DDX60L: variants seen among roughly 807,000 people sequenced by gnomAD.
DDX60L encodes probable ATP-dependent RNA helicase DDX60-like.
A neutral mutation model predicts 211.6 loss-of-function variants in DDX60L; 191 were observed. The ratio of observed to expected loss-of-function variants is 0.90; its 90% CI spans 0.80 to 1.02. The LOEUF is 1.02. Among genes scored for constraint, DDX60L ranks in the 50% least tolerant of loss-of-function variants. DDX60L has a pLI of 0.00. For synonymous variants in DDX60L, 706 were observed against 694.1 expected (o/e 1.02, Z -0.27); for missense variants, 2,007 against 1,984.1 (o/e 1.01, Z -0.22).
At position 168,421,740 on chromosome 4, in the gene DDX60L, GAA is replaced by G; in HGVS notation, c.2394+18_2394+19del. 2 of 1,612,442 alleles carry G rather than the reference GAA, an allele frequency of 1.2e-6. No individual in the cohort carries two copies. Among genetic ancestry groups the G allele is most frequent in the Non-Finnish European group, 1.7e-6 (2 of 1,178,836 alleles). On this transcript the variant is annotated intron_variant, in intron 17 of 37. Transcript: ENST00000682922. Reference sequence around the variant, plus strand: ...GATGTTCAGGAACAAAAGCAAAAATGAAAGTCATTCAAACACTACCTTTGCGG... The same window carrying G: ...GATGTTCAGGAACAAAAGCAAAAATGAGTCATTCAAACACTACCTTTGCGG...
chr4:168,368,638 C>T (rs1452770012), intron 36 of DDX60L, among the ~76,000 whole-genome samples: 1 of 152,198 alleles, frequency 6.6e-6, no homozygotes, highest in East Asian at 1.9e-4. Context: ...TTGCACTGTG[C>T]ACCTGGAAAA....
intron 1 of DDX60L, among the ~76,000 whole-genome samples, chr4:168,474,085 A>G (rs2150154879): frequency 6.6e-6 from 1 of 152,318 alleles, no homozygotes; most frequent in Non-Finnish European, 1.5e-5. Flanking sequence ...GCTGCACTCT[A>G]GGAGCTTATC....
At chr4:168,406,285 G>C (rs1485553008) in intron 23 of DDX60L, among the ~76,000 whole-genome samples, 1 of 151,890 alleles carries the variant, frequency 6.6e-6, no homozygotes, top group South Asian at 2.1e-4. Flanking sequence ...AAGAATACAG[G>C]GCACAGCTGA....
In DDX60L at chr4:168,454,758, C is replaced by CTTTTTTTTTTTTTTTTTTTTTTTTTTT. The variant is rs767461447; in HGVS notation, c.837+1280_837+1281insAAAAAAAAAAAAAAAAAAAAAAAAAAA. On this transcript the variant is annotated intron_variant, in intron 7 of 37. Coordinates refer to ENST00000682922, the MANE Select transcript of DDX60L (RefSeq NM_001012967.3). ...GTGCTCCCGAAGAGTAAACAGCTTC[C>CTTTTTTTTTTTTTTTTTTTTTTTTTTT]TTTTTTTTTTTTTTTTTTTTTAGCA... 9.0e-4 allele frequency among the ~76,000 whole-genome samples: 80 copies of CTTTTTTTTTTTTTTTTTTTTTTTTTTT among 88,618 alleles called. 8 individuals carry two copies. The highest frequency in any genetic ancestry group is 1.5e-3 in the East Asian group (4 of 2,684). The allele number at this position is 88,618 out of a possible 152,430, so 58.1% of individuals were successfully genotyped here.
In DDX60L at chr4:168,358,197, C is replaced by A; in HGVS notation, c.5071G>T (p.Glu1691Ter). The A allele has an allele frequency of 6.2e-7, 1 of 1,606,178 alleles. No homozygotes were observed. The highest frequency in any genetic ancestry group is 1.1e-5 in the South Asian group (1 of 89,540). ...TGAATTTGCATTTCTTGAAGTTTCTCATAAAAGGTTTGACTCAATTGTTTA... is the reference window on the plus strand; with the variant it reads ...TGAATTTGCATTTCTTGAAGTTTCTAATAAAAGGTTTGACTCAATTGTTTA... ...AFKQLSQTFYEKLQEMQIQMS... is the reference protein window; with the variant it reads ...AFKQLSQTFY The change falls in exon 38 of 38, where the codon GAG becomes TAG. Residue 1691 changes from glutamate (E) to a stop codon, truncating the protein, a stop_gained. Coordinates refer to ENST00000682922, the MANE Select transcript of DDX60L (RefSeq NM_001012967.3). LOFTEE classifies it low-confidence loss of function (END_TRUNC).
chr4:168,375,246 C>T (rs1264837683), intron 34 of DDX60L, 131 bp downstream of exon 34: 11 of 892,678 alleles, frequency 1.2e-5, no homozygotes, highest in African/African-American at 3.5e-5. Context: ...GGGGATAAAA[C>T]ACTTGGGTTA....
intron 16 of DDX60L, 60 bp downstream of exon 16, chr4:168,422,464 C>G: frequency 6.6e-7 from 1 of 1,506,360 alleles, no homozygotes; most frequent in Non-Finnish European, 8.9e-7. Context: ...TGTAGAGACA[C>G]AGTAATGAAA....
chr4:168,400,870 T>C lies in DDX60L; in HGVS notation c.3447A>G (p.Ala1149=). The change falls in exon 26 of 38, where the codon GCA becomes GCG. Residue 1149 remains alanine (A), a synonymous_variant. Transcript: ENST00000682922. ...TCACTTTTTCAAGTACTTCATCTAT[T>C]GCAAAGACATAACTATGACATTCAG... The part of the protein sequence containing the change: ...PHTECHSYVF[A]IDEVLEKVRK... 1.2e-6 allele frequency: 2 copies of C among 1,613,620 alleles called. No individual in the cohort carries two copies. The highest frequency in any genetic ancestry group is 1.7e-6 in the Non-Finnish European group (2 of 1,179,636).
chr4:168,407,265 C>T (rs1261874185), intron 22 of DDX60L, among the ~76,000 whole-genome samples: 4 of 152,164 alleles, frequency 2.6e-5, no homozygotes, highest in Admixed American at 2.6e-4. Flanking sequence ...AAAGAAATTT[C>T]TACCTGATGG....
At chr4:168,392,070 A>G (rs919285900) in intron 28 of DDX60L, among the ~76,000 whole-genome samples, 1 of 152,226 alleles carries the variant, frequency 6.6e-6, no homozygotes, top group African/African-American at 2.4e-5. Flanking sequence ...GCAGATGCAC[A>G]ATAAATATGT....
chr4:168,437,263 G>T (rs1753170409), intron 10 of DDX60L, among the ~76,000 whole-genome samples: 1 of 152,100 alleles, frequency 6.6e-6, no homozygotes, highest in African/African-American at 2.4e-5. Flanking sequence ...ATTAGGGTGA[G>T]GCCTAATGTA....
chr4:168,391,611 T>C lies in DDX60L; in HGVS notation c.3844A>G (p.Ile1282Val), dbSNP rs1744830009. The C allele has an allele frequency of 6.3e-7, 1 of 1,590,128 alleles. No individual in the cohort carries two copies. Among genetic ancestry groups the C allele is most frequent in the South Asian group, 1.1e-5 (1 of 88,000 alleles). ...ACAACAGATTTGCATGGCATGTGGA[T>C]CCCTAAGGCAAGTGTTTCAGTAGCT... The part of the protein sequence containing the change: ...VTATETLALG[I>V]HMPCKSVVFA... The change falls in exon 29 of 38, where the codon ATC (isoleucine) becomes GTC (valine). Residue 1282 changes from isoleucine (I) to valine (V), a missense_variant. Transcript: ENST00000682922.
At chr4:168,446,435 T>C (rs372491540) in intron 9 of DDX60L, among the ~76,000 whole-genome samples, 12 of 152,204 alleles carry the variant, frequency 7.9e-5, no homozygotes, top group African/African-American at 2.4e-4. Context: ...GAATCAATAT[T>C]GTGAAAATGG....
At chr4:168,443,916 C>T (rs1317441826) in intron 9 of DDX60L, among the ~76,000 whole-genome samples, 1 of 141,138 alleles carries the variant, frequency 7.1e-6, no homozygotes, top group Non-Finnish European at 1.5e-5. Flanking sequence ...CCAGCCGCTG[C>T]AAAATCATGC....
At chr4:168,395,345 C>T (rs1745589556) in intron 27 of DDX60L, among the ~76,000 whole-genome samples, 1 of 152,096 alleles carries the variant, frequency 6.6e-6, no homozygotes, top group Non-Finnish European at 1.5e-5. Flanking sequence ...TATAATATGG[C>T]CTTATTTTAT....
chr4:168,394,125 G>A (rs951228531), intron 28 of DDX60L, among the ~76,000 whole-genome samples: 1 of 152,014 alleles, frequency 6.6e-6, no homozygotes, highest in East Asian at 1.9e-4. Flanking sequence ...GACGCTGGGA[G>A]GTGGAGGTTG....
At position 168,405,938 on chromosome 4, in the gene DDX60L, T is replaced by A; in HGVS notation, c.3213+12A>T. 3 of 1,556,598 alleles carry A rather than the reference T, an allele frequency of 1.9e-6. No homozygotes were observed. The highest frequency in any genetic ancestry group is 2.6e-6 in the Non-Finnish European group (3 of 1,154,552). On this transcript the variant is annotated intron_variant, in intron 24 of 37. Transcript: ENST00000682922. ...TTAAGTGAAACTTTGTCCAAGAAAG[T>A]GTGAAAATTACCTTCTTCACTTGGC...
At chr4:168,385,503 AG>A (rs1743705999) in intron 29 of DDX60L, among the ~76,000 whole-genome samples, 1 of 152,174 alleles carries the variant, frequency 6.6e-6, no homozygotes, top group African/African-American at 2.4e-5. Context: ...AAACTCAAAG[AG>A]GGGGTCATGG....
intron 8 of DDX60L, among the ~76,000 whole-genome samples, chr4:168,449,812 A>AT (rs1554017237): frequency 1.1e-5 from 1 of 94,694 alleles, no homozygotes; most frequent in Non-Finnish European, 2.3e-5. Context: ...AAATAAAAAA[A>AT]AAAAAAAAAA....
Sources: allele counts gnomAD v4.1 joint callset (sites outside exome capture counted in the v4.1 genomes callset), GRCh38; gene constraint gnomAD v4.1.1; transcripts MANE v1.5; gene names NCBI Gene and HGNC (gene_info 2026-07-23, HGNC 2026-07-21).